PTPN3: variants seen among roughly 807,000 people sequenced by gnomAD.
The protein encoded by PTPN3 is protein tyrosine phosphatase non-receptor type 3, also known as tyrosine-protein phosphatase non-receptor type 3.
A neutral mutation model predicts 132.7 loss-of-function variants in PTPN3; 96 were observed. The ratio of observed to expected loss-of-function variants is 0.72; its 90% CI spans 0.61 to 0.86. PTPN3 has a LOEUF of 0.86. PTPN3 is among the 40% of genes least tolerant of loss of function. The pLI is 0.00. For missense variants in PTPN3, 1,125 were observed against 1,159.6 expected (o/e 0.97, Z 0.43); for synonymous variants, 398 against 429.0 (o/e 0.93, Z 0.89).
intron 19 of PTPN3, among the ~76,000 whole-genome samples, chr9:109,404,196 C>T (rs2131717455): frequency 6.6e-6 from 1 of 152,330 alleles, no homozygotes; most frequent in African/African-American, 2.4e-5. Context: ...AGGGTGGCCA[C>T]CCTGATCCCT....
the PTPN3 span, among the ~76,000 whole-genome samples, chr9:109,505,417 C>T: frequency 1.3e-5 from 2 of 151,880 alleles, no homozygotes; most frequent in South Asian, 2.1e-4. Context: ...GGACTAGAGG[C>T]GCATGCCACC....
rs1402731745 is a variant in PTPN3, at chr9:109,415,064, GTCCGTCCATCCAACCATCCA to G, written c.1314-4669_1314-4650del. 8.4e-3 allele frequency among the ~76,000 whole-genome samples: 1,062 copies of G among 126,294 alleles called. 11 individuals carry two copies. The highest frequency in any genetic ancestry group is 0.026 in the African/African-American group (911 of 35,628). The allele number at this position is 126,294 out of a possible 152,430, so 82.9% of individuals were successfully genotyped here. On this transcript the variant is annotated intron_variant, in intron 14 of 25. Transcript: ENST00000374541. ...CGTCCGTCCGTCCATCCGTCCATCC[GTCCGTCCATCCAACCATCCA>G]TCCATCCATCCATCCATCCATCCAT...
intron 13 of PTPN3, among the ~76,000 whole-genome samples, chr9:109,422,444 C>CTG (rs1842944243): frequency 6.6e-6 from 1 of 152,152 alleles, no homozygotes; most frequent in African/African-American, 2.4e-5. Context: ...CTAATGTGTG[C>CTG]TGTGATTCCA....
chr9:109,422,955 G>T, intron 12 of PTPN3, 103 bp from the exon 13 acceptor site: 2 of 1,402,130 alleles, frequency 1.4e-6, no homozygotes, highest in Non-Finnish European at 2.0e-6. Context: ...CTGAAGGACG[G>T]CAGGTTAATG....
At chr9:109,489,985 C>T (rs550623728) in intron 1 of PTPN3, among the ~76,000 whole-genome samples, 2 of 151,972 alleles carry the variant, frequency 1.3e-5, no homozygotes, top group Admixed American at 6.6e-5. Context: ...AGTTCTAGAC[C>T]AGCCTGGCCA....
the PTPN3 span, among the ~76,000 whole-genome samples, chr9:109,510,364 G>T: frequency 4.0e-5 from 6 of 151,564 alleles, no homozygotes; most frequent in Admixed American, 2.6e-4. Context: ...TTCGAGACCA[G>T]CCTGACCAAC....
chr9:109,507,548 G>A, the PTPN3 span, among the ~76,000 whole-genome samples: 1 of 152,196 alleles, frequency 6.6e-6, no homozygotes, highest in Non-Finnish European at 1.5e-5. Context: ...GCGCCCTGGC[G>A]TCCTGCTAGG....
chr9:109,428,807 G>A, intron 10 of PTPN3, 123 bp from the exon 11 acceptor site: 1 of 1,449,538 alleles, frequency 6.9e-7, no homozygotes, highest in South Asian at 1.5e-5. Context: ...TGGCTGCCTA[G>A]AGTTTACTTC....
At chr9:109,475,644 C>G (rs888609456) in intron 1 of PTPN3, among the ~76,000 whole-genome samples, 1 of 152,208 alleles carries the variant, frequency 6.6e-6, no homozygotes, top group African/African-American at 2.4e-5. Flanking sequence ...AATATTTGCT[C>G]TCAGGCACAG....
At chr9:109,505,840 C>T in the PTPN3 span, among the ~76,000 whole-genome samples, 2 of 151,972 alleles carry the variant, frequency 1.3e-5, no homozygotes, top group South Asian at 4.2e-4. Context: ...AGCTCTGCCT[C>T]CCGGGTTCAT....
At chr9:109,454,666 A>G in intron 4 of PTPN3, 92 bp from the exon 5 acceptor site, 1 of 940,766 alleles carries the variant, frequency 1.1e-6, no homozygotes, top group Non-Finnish European at 1.7e-6. Flanking sequence ...GCATTTTTTC[A>G]CTCAACCATA....
At chr9:109,529,843 A>G in the PTPN3 span, among the ~76,000 whole-genome samples, 1 of 152,184 alleles carries the variant, frequency 6.6e-6, no homozygotes, top group African/African-American at 2.4e-5. Flanking sequence ...AACATATGAA[A>G]TGGAATGCGT....
the PTPN3 span, among the ~76,000 whole-genome samples, chr9:109,510,568 A>AT: frequency 3.9e-3 from 141 of 36,014 alleles, 1 homozygote; most frequent in East Asian, 9.6e-3. Flanking sequence ...TAAAAAAAAA[A>AT]AAAAAAAAAT....
At chr9:109,520,177 A>G in the PTPN3 span, among the ~76,000 whole-genome samples, 1 of 151,624 alleles carries the variant, frequency 6.6e-6, no homozygotes, top group Non-Finnish European at 1.5e-5. Context: ...AAAAAAAGAA[A>G]TGCCTCCAAG....
the PTPN3 span, chr9:109,534,177 G>T: frequency 1.0e-6 from 1 of 963,210 alleles, no homozygotes; most frequent in Non-Finnish European, 1.7e-6. Flanking sequence ...TGACCTTCTT[G>T]TCCCCGCCGG....
chr9:109,476,838 G>A (rs562300388), intron 1 of PTPN3, among the ~76,000 whole-genome samples: 22 of 152,348 alleles, frequency 1.4e-4, no homozygotes, highest in African/African-American at 5.3e-4. Context: ...TGCTGCCTAT[G>A]CATTCTTGCC....
At chr9:109,507,772 G>C in the PTPN3 span, among the ~76,000 whole-genome samples, 4 of 152,212 alleles carry the variant, frequency 2.6e-5, no homozygotes, top group Non-Finnish European at 5.9e-5. Context: ...CCCAAGCAGT[G>C]CTCCGGGACT....
chr9:109,429,336 T>G (rs1489970580), intron 10 of PTPN3, among the ~76,000 whole-genome samples: 1 of 152,204 alleles, frequency 6.6e-6, no homozygotes, highest in African/African-American at 2.4e-5. Flanking sequence ...CACCCCGGTC[T>G]CAGCTGACTC....
the PTPN3 span, among the ~76,000 whole-genome samples, chr9:109,523,620 C>T: frequency 6.6e-6 from 1 of 152,284 alleles, no homozygotes; most frequent in Non-Finnish European, 1.5e-5. Context: ...CTTTATGGCT[C>T]TTGTTGCTAT....
Sources: allele counts gnomAD v4.1 joint callset (sites outside exome capture counted in the v4.1 genomes callset), GRCh38; gene constraint gnomAD v4.1.1; transcripts MANE v1.5; gene names NCBI Gene and HGNC (gene_info 2026-07-23, HGNC 2026-07-21).